The following SLC44A1 variants were observed in gnomAD, a reference collection of about 807,000 sequenced individuals.
SLC44A1 encodes the protein solute carrier family 44 member 1, also known as choline transporter-like protein 1.
A neutral mutation model predicts 79.3 loss-of-function variants in SLC44A1; 26 were observed. That is an observed-to-expected ratio of 0.33 (90% confidence interval 0.24 to 0.46). SLC44A1 has a LOEUF of 0.46. Ranked by LOEUF, SLC44A1 falls within the 20% of genes least tolerant of loss-of-function variation. The pLI is 1.00. For missense variants in SLC44A1, 688 were observed against 798.1 expected, an observed-to-expected ratio of 0.86 and a Z score of 1.66; for synonymous variants, 263 against 286.2, an observed-to-expected ratio of 0.92 and a Z score of 0.82.
intron 1 of SLC44A1, among the ~76,000 whole-genome samples, chr9:105,258,161 G>A (rs1829754733): frequency 6.6e-6 from 1 of 152,192 alleles, no homozygotes; most frequent in African/African-American, 2.4e-5. Context: ...CATGGAAGAA[G>A]GGTATTATAA....
At chr9:105,356,829 A>G (rs1469824107) in intron 6 of SLC44A1, among the ~76,000 whole-genome samples, 2 of 152,104 alleles carry the variant, frequency 1.3e-5, no homozygotes, top group Non-Finnish European at 1.5e-5. Context: ...GCTACAGTGC[A>G]TAGTATCAGT....
At chr9:105,325,523 G>A (rs1470709002) in intron 3 of SLC44A1, among the ~76,000 whole-genome samples, 1 of 152,190 alleles carries the variant, frequency 6.6e-6, no homozygotes, top group Non-Finnish European at 1.5e-5. Context: ...TCTGTGCAGA[G>A]TCCTGAGATA....
At chr9:105,317,520 G>A (rs1331516258) in intron 3 of SLC44A1, among the ~76,000 whole-genome samples, 2 of 152,040 alleles carry the variant, frequency 1.3e-5, no homozygotes, top group Admixed American at 6.6e-5. Flanking sequence ...GTGATTGGAC[G>A]AAGAGGTGAC....
chr9:105,406,748 A>G (rs1270446412), intron 15 of SLC44A1, among the ~76,000 whole-genome samples: 1 of 152,196 alleles, frequency 6.6e-6, no homozygotes, highest in Admixed American at 6.5e-5. Context: ...TCTCTTTAAA[A>G]AAAATTTTTT....
chr9:105,283,846 G>C (rs1830415369), intron 1 of SLC44A1, among the ~76,000 whole-genome samples: 1 of 152,078 alleles, frequency 6.6e-6, no homozygotes, highest in Non-Finnish European at 1.5e-5. Flanking sequence ...TTATTTTTCT[G>C]TAGTTCTCTA....
intron 13 of SLC44A1, among the ~76,000 whole-genome samples, chr9:105,376,567 T>G (rs1828298081): frequency 6.6e-6 from 1 of 152,044 alleles, no homozygotes; most frequent in African/African-American, 2.4e-5. Flanking sequence ...AGAGACAGGG[T>G]TTCTCCATGT....
exon 16 of SLC44A1, chr9:105,438,501 G>C: frequency 2.0e-6 from 1 of 512,148 alleles, no homozygotes; most frequent in Non-Finnish European, 3.5e-6. Context: ...GCATTTGATA[G>C]AAATCTGTCT....
Position 105,395,967 on chromosome 9 carries a change from G to T in SLC44A1, c.*6911G>T, listed in dbSNP as rs566369434. ...TGTGACAATAATAGGATAGCTTTGGGGGCTGGTGATTTGAAACAGGGACTA... is the reference window on the plus strand; with the variant it reads ...TGTGACAATAATAGGATAGCTTTGGTGGCTGGTGATTTGAAACAGGGACTA... On this transcript the variant is annotated 3_prime_UTR_variant, in exon 16 of 16. Coordinates refer to ENST00000374720, the MANE Select transcript of SLC44A1 (RefSeq NM_080546.5). 1.0e-6 allele frequency: 1 copy of T among 984,582 alleles called. No homozygotes were observed. The highest frequency in any genetic ancestry group is 4.7e-5 in the South Asian group (1 of 21,248). 61.0% of individuals were successfully genotyped at this position (984,582 alleles called of 1,614,324 possible). A position where few individuals can be genotyped will look rare whatever the true frequency, so the allele number is the denominator to read the frequency against.
intron 15 of SLC44A1, among the ~76,000 whole-genome samples, chr9:105,437,247 C>T (rs1057139179): frequency 1.3e-5 from 2 of 152,070 alleles, no homozygotes; most frequent in Non-Finnish European, 2.9e-5. Flanking sequence ...CTCATCCATT[C>T]TCTCTCTATA....
In SLC44A1 at chr9:105,304,246, G is replaced by C. The variant is rs184676693; in HGVS notation, c.126+4937G>C. On this transcript the variant is annotated intron_variant, in intron 2 of 15. Transcript: ENST00000374720. ...CTCATTAACTATTGTTGAGCGTGCA[G>C]AACAGAGTGAGAGATTCACTGCAGT... Among the ~76,000 whole-genome samples the C allele has an allele frequency of 1.5e-3, 225 of 152,302 alleles. 2 individuals carry two copies. The highest frequency in any genetic ancestry group is 5.3e-3 in the African/African-American group (219 of 41,574).
intron 1 of SLC44A1, among the ~76,000 whole-genome samples, chr9:105,252,220 C>CT (rs1160944942): frequency 6.6e-6 from 1 of 152,174 alleles, no homozygotes; most frequent in African/African-American, 2.4e-5. Flanking sequence ...AATATTTACT[C>CT]TGTGTCCCTT....
chr9:105,352,014 A>G (rs998501223), intron 5 of SLC44A1, among the ~76,000 whole-genome samples: 44 of 152,280 alleles, frequency 2.9e-4, no homozygotes, highest in African/African-American at 1.0e-3. Flanking sequence ...TAATCCTAAC[A>G]CTTTGGGAGA....
In SLC44A1 at chr9:105,391,272, A is replaced by G. The variant is rs1828757145; in HGVS notation, c.*2216A>G. 1.0e-6 allele frequency: 1 copy of G among 985,702 alleles called. No individual in the cohort carries two copies. The highest frequency in any genetic ancestry group is 1.1e-4 in the East Asian group (1 of 8,830). 61.1% of individuals were successfully genotyped at this position (985,702 alleles called of 1,614,324 possible). A position where few individuals can be genotyped will look rare whatever the true frequency, so the allele number is the denominator to read the frequency against. The stretch of plus-strand genomic sequence containing the variant: ...CAATCTCAGCTATTTGGAAGCTACC[A>G]GGAATGCTTTCTAATTATCATTTGC... On this transcript the variant is annotated 3_prime_UTR_variant, in exon 16 of 16. Transcript: ENST00000374720.
At chr9:105,256,145 T>G (rs1480710164) in intron 1 of SLC44A1, among the ~76,000 whole-genome samples, 1 of 152,082 alleles carries the variant, frequency 6.6e-6, no homozygotes, top group Non-Finnish European at 1.5e-5. Context: ...CCCGAGTAGC[T>G]GGGACTGCAG....
At chr9:105,387,980 A>T (rs898831822) in intron 15 of SLC44A1, among the ~76,000 whole-genome samples, 1 of 152,154 alleles carries the variant, frequency 6.6e-6, no homozygotes, top group African/African-American at 2.4e-5. Context: ...TAAAATCTTT[A>T]TTTAATTTTT....
At position 105,351,382 on chromosome 9, in the gene SLC44A1, A is replaced by T. The variant is rs548041971; in HGVS notation, c.500+2931A>T. ...AACCTCGTCTCTACCAAAAACACAA[A>T]AATTAGCTGGGTATGGTGGTGCATG... is the stretch of plus-strand genomic sequence containing the variant. On this transcript the variant is annotated intron_variant, in intron 5 of 15. Coordinates refer to ENST00000374720, the MANE Select transcript of SLC44A1 (RefSeq NM_080546.5). Among the ~76,000 whole-genome samples the T allele has an allele frequency of 2.6e-5, 4 of 152,026 alleles. No individual in the cohort carries two copies. In the East Asian group the frequency reaches 7.7e-4, roughly 29 times the overall value.
intron 1 of SLC44A1, among the ~76,000 whole-genome samples, chr9:105,259,780 G>A (rs778183830): frequency 1.3e-5 from 2 of 152,174 alleles, no homozygotes; most frequent in Non-Finnish European, 2.9e-5. Context: ...GCTGATAGAA[G>A]CAGATTTCAG....
chr9:105,341,924 C>G (rs1441040312), intron 4 of SLC44A1, among the ~76,000 whole-genome samples: 1 of 152,140 alleles, frequency 6.6e-6, no homozygotes, highest in Non-Finnish European at 1.5e-5. Flanking sequence ...CTCTTCTTCT[C>G]TTAAGCCCTC....
At chr9:105,377,886 G>A (rs916889305) in intron 13 of SLC44A1, among the ~76,000 whole-genome samples, 1 of 152,042 alleles carries the variant, frequency 6.6e-6, no homozygotes, top group Non-Finnish European at 1.5e-5. Flanking sequence ...TTTATAGAGT[G>A]TCTACTAGTA....
Sources: gnomAD v4.1 joint callset for allele counts (sites outside exome capture counted in the v4.1 genomes callset) on GRCh38, gnomAD v4.1.1 for gene constraint, MANE v1.5 for transcripts, NCBI Gene and HGNC (gene_info 2026-07-23, HGNC 2026-07-21) for gene names.